SUB1: variants seen among roughly 807,000 people sequenced by gnomAD.
The protein encoded by SUB1 is SUB1 regulator of transcription, also known as activated RNA polymerase II transcriptional coactivator p15.
SUB1 carries 1 observed loss-of-function variant against 16.9 expected under a neutral mutation model. The ratio of observed to expected loss-of-function variants is 0.06; its 90% CI spans 0.02 to 0.28. SUB1 has a LOEUF of 0.28. Among genes scored for constraint, SUB1 ranks in the 10% least tolerant of loss-of-function variants. The pLI is 1.00. For missense variants in SUB1, 84 were observed against 145.2 expected (o/e 0.58, Z 2.16); for synonymous variants, 51 against 46.9 (o/e 1.09, Z -0.36).
rs762008537 is a variant in SUB1 at position 32,588,617 on chromosome 5, TACTC to T, written c.72+35_72+38del. The stretch of plus-strand genomic sequence containing the variant: ...CTGCTGCACCAAGTCATTTTGGTGA[TACTC>T]AACAATATTGTCCATATCCCATTCT... On this transcript the variant is annotated intron_variant, in intron 2 of 4. Coordinates refer to ENST00000265073, the MANE Select transcript of SUB1 (RefSeq NM_006713.4). 9 of 1,590,048 alleles carry T rather than the reference TACTC, an allele frequency of 5.7e-6. No individual in the cohort carries two copies. The African/African-American group carries it at 9.4e-5, about 17-fold the overall frequency.
intron 1 of SUB1, among the ~76,000 whole-genome samples, chr5:32,586,895 T>C (rs1196143656): frequency 6.6e-6 from 1 of 152,226 alleles, no homozygotes; most frequent in Non-Finnish European, 1.5e-5. Flanking sequence ...ATGGCTAGGA[T>C]TGGGGTGGCC....
Position 32,596,226 on chromosome 5 carries a change from G to A in SUB1, c.196-2735G>A, listed in dbSNP as rs1489136966. On this transcript the variant is annotated intron_variant, in intron 3 of 4. Coordinates refer to ENST00000265073, the MANE Select transcript of SUB1 (RefSeq NM_006713.4). ...TCTCTCTTGGAAATGAGGTCCTCAC[G>A]GATTCTGGTCAGTTCATCATTTTCT... is the stretch of plus-strand genomic sequence containing the variant. The A allele has an allele frequency of 3.9e-5, 6 of 152,252 alleles. No individual in the cohort carries two copies. The East Asian group carries it at 5.8e-4, about 15-fold the overall frequency. The allele number at this position is 152,252 out of a possible 1,614,324, so 9.4% of individuals were successfully genotyped here.
At chr5:32,590,448 C>T (rs140808630) in intron 2 of SUB1, among the ~76,000 whole-genome samples, 147 of 149,676 alleles carry the variant, frequency 9.8e-4, no homozygotes, top group African/African-American at 3.5e-3. Flanking sequence ...TTTAAAACAA[C>T]GTTGTGATTT....
intron 3 of SUB1, chr5:32,597,740 A>G (rs1739004230): frequency 6.6e-6 from 1 of 152,238 alleles, no homozygotes; most frequent in African/African-American, 2.4e-5. Context: ...TGACTTTGTC[A>G]AAACTGCTAA....
At chr5:32,600,693 T>A (rs1406688286) in intron 4 of SUB1, among the ~76,000 whole-genome samples, 1 of 151,606 alleles carries the variant, frequency 6.6e-6, no homozygotes, top group African/African-American at 2.4e-5. Flanking sequence ...AACTTCCACC[T>A]CCCAGGTTCG....
chr5:32,593,100 C>G (rs1249697528), intron 3 of SUB1, among the ~76,000 whole-genome samples: 2 of 152,062 alleles, frequency 1.3e-5, no homozygotes, highest in Non-Finnish European at 2.9e-5. Context: ...GCAACTTCCG[C>G]TTCCTGGGCT....
chr5:32,600,129 G>A (rs1349575837), intron 4 of SUB1, among the ~76,000 whole-genome samples: 1 of 152,214 alleles, frequency 6.6e-6, no homozygotes, highest in East Asian at 1.9e-4. Flanking sequence ...CTTACAAGGT[G>A]ATGTAGTTCT....
In SUB1 at chr5:32,595,703, G is replaced by A. The variant is rs570097656; in HGVS notation, c.196-3258G>A. On this transcript the variant is annotated intron_variant, in intron 3 of 4. Transcript: ENST00000265073. ...ATTTGCTGAGTCGTAGGGTAAATGTGTAACTGTATAAGACACTGTCAAACC... is the reference window on the plus strand; with the variant it reads ...ATTTGCTGAGTCGTAGGGTAAATGTATAACTGTATAAGACACTGTCAAACC... 2.0e-5 allele frequency: 3 copies of A among 152,318 alleles called. No individual in the cohort carries two copies. The South Asian group carries it at 6.2e-4, about 32-fold the overall frequency. The allele number at this position is 152,318 out of a possible 1,614,324, so 9.4% of individuals were successfully genotyped here. A position where few individuals can be genotyped will look rare whatever the true frequency, so the allele number is the denominator to read the frequency against.
chr5:32,600,940 G>A (rs907320797), intron 4 of SUB1, 65 bp from the exon 5 acceptor site: 1 of 1,429,118 alleles, frequency 7.0e-7, no homozygotes, highest in Non-Finnish European at 9.9e-7. Context: ...TATTCTAGTT[G>A]GAAGTATGAA....
At chr5:32,600,820 G>T (rs1039596390) in intron 4 of SUB1, among the ~76,000 whole-genome samples, 185 bp from the exon 5 acceptor site, 32 of 152,178 alleles carry the variant, frequency 2.1e-4, no homozygotes, top group African/African-American at 7.2e-4. Context: ...GGCCAGGCTG[G>T]TCTTGAACTC....
intron 2 of SUB1, among the ~76,000 whole-genome samples, chr5:32,590,807 G>T (rs1300744772): frequency 3.7e-5 from 4 of 109,352 alleles, no homozygotes; most frequent in Non-Finnish European, 7.0e-5. Flanking sequence ...TCGCTCTGTT[G>T]CCCAGGCTGG....
intron 4 of SUB1, among the ~76,000 whole-genome samples, chr5:32,600,477 T>A (rs902210352): frequency 5.9e-5 from 9 of 152,244 alleles, no homozygotes; most frequent in African/African-American, 2.2e-4. Context: ...CAATAGGTAC[T>A]ATGCAGGATG....
intron 1 of SUB1, among the ~76,000 whole-genome samples, chr5:32,588,279 A>G (rs542063430): frequency 7.9e-5 from 12 of 152,322 alleles, no homozygotes; most frequent in African/African-American, 2.6e-4. Context: ...GTAGGAGTGT[A>G]TGACATTTAG....
At chr5:32,596,408 T>C (rs1210962325) in intron 3 of SUB1, 13 of 152,238 alleles carry the variant, frequency 8.5e-5, no homozygotes, top group Non-Finnish European at 1.5e-5. Context: ...GTCTATTCTA[T>C]CGATTTTTCT....
Position 32,590,066 on chromosome 5 carries a change from G to A in SUB1, c.72+1482G>A, listed in dbSNP as rs1357181150. Reference sequence around the variant, plus strand: ...ATTTGAGTATGTTGATGTAACACATGTGTATTGAGCTTTTATTTGCCAGAC... The same window carrying A: ...ATTTGAGTATGTTGATGTAACACATATGTATTGAGCTTTTATTTGCCAGAC... On this transcript the variant is annotated intron_variant, in intron 2 of 4. Coordinates refer to ENST00000265073, the MANE Select transcript of SUB1 (RefSeq NM_006713.4). Among the ~76,000 whole-genome samples the A allele has an allele frequency of 2.6e-5, 4 of 152,168 alleles. 1 individual carries two copies. The highest frequency in any genetic ancestry group is 5.9e-5 in the Non-Finnish European group (4 of 68,036).
At chr5:32,596,371 C>G (rs1431205762) in intron 3 of SUB1, 1 of 152,092 alleles carries the variant, frequency 6.6e-6, no homozygotes, top group Non-Finnish European at 1.5e-5. Flanking sequence ...TCTGAAGCAT[C>G]TTTTTAAAAA....
chr5:32,590,785 T>TTTTTTTTTTTTG (rs1561033588), intron 2 of SUB1, among the ~76,000 whole-genome samples: 1 of 131,860 alleles, frequency 7.6e-6, no homozygotes, highest in Non-Finnish European at 1.6e-5. Flanking sequence ...TTTTTTTTTT[T>TTTTTTTTTTTTG]GAGATGGAGT....
chr5:32,590,338 G>T (rs1395718348), intron 2 of SUB1, among the ~76,000 whole-genome samples: 5 of 151,956 alleles, frequency 3.3e-5, no homozygotes, highest in Admixed American at 2.6e-4. Flanking sequence ...GAAGGAACAT[G>T]ACTGCCCTCT....
At chr5:32,595,054 A>AT (rs1364817026) in intron 3 of SUB1, 1 of 152,390 alleles carries the variant, frequency 6.6e-6, no homozygotes. Context: ...AGTGATCTTT[A>AT]TTTTTTCTAT....
Sources: gnomAD v4.1 joint callset for allele counts (sites outside exome capture counted in the v4.1 genomes callset) on GRCh38, gnomAD v4.1.1 for gene constraint, MANE v1.5 for transcripts, NCBI Gene and HGNC (gene_info 2026-07-23, HGNC 2026-07-21) for gene names.